Variants in SEMA3D observed in about 807,000 individuals in gnomAD.
The protein encoded by SEMA3D is semaphorin-3D.
A neutral mutation model predicts 100.1 loss-of-function variants in SEMA3D; 84 were observed. The ratio of observed to expected loss-of-function variants is 0.84; its 90% CI spans 0.70 to 1.01. SEMA3D has a LOEUF of 1.01. SEMA3D is among the 50% of genes least tolerant of loss of function. The pLI is 0.00. For synonymous variants in SEMA3D, 312 were observed against 320.7 expected (o/e 0.97, Z 0.29); for missense variants, 875 against 934.1 (o/e 0.94, Z 0.82).
At chr7:85,079,280 A>G (rs1787983201) in intron 5 of SEMA3D, among the ~76,000 whole-genome samples, 1 of 152,236 alleles carries the variant, frequency 6.6e-6, no homozygotes, top group East Asian at 1.9e-4. Context: ...CAAAAATGTT[A>G]GCTATTATTA....
At chr7:85,127,411 G>A (rs1789597341) in intron 2 of SEMA3D, among the ~76,000 whole-genome samples, 1 of 152,030 alleles carries the variant, frequency 6.6e-6, no homozygotes, top group Non-Finnish European at 1.5e-5. Context: ...CATGTACTAA[G>A]AGCCAAATAA....
intron 2 of SEMA3D, chr7:85,141,589 C>T (rs1790053730): frequency 3.0e-6 from 3 of 984,122 alleles, no homozygotes; most frequent in South Asian, 4.7e-5. Flanking sequence ...CTTAAGTTCC[C>T]TTCTTTGTGA....
chr7:85,053,131 A>G (rs554800026), intron 9 of SEMA3D, among the ~76,000 whole-genome samples: 27 of 152,130 alleles, frequency 1.8e-4, no homozygotes, highest in Admixed American at 1.2e-3. Context: ...AACAGCAAGA[A>G]CAACAAAACC....
At chr7:85,001,529 T>C (rs924649772) in intron 18 of SEMA3D, among the ~76,000 whole-genome samples, 5 of 152,276 alleles carry the variant, frequency 3.3e-5, no homozygotes, top group African/African-American at 1.2e-4. Context: ...ACACTACGTA[T>C]AATTGTTTTT....
chr7:85,248,815 G>A, the SEMA3D span, among the ~76,000 whole-genome samples: 1 of 152,198 alleles, frequency 6.6e-6, no homozygotes, highest in East Asian at 1.9e-4. Flanking sequence ...GTGGTTCTCA[G>A]GATTTAGCAG....
At chr7:85,225,485 G>T in the SEMA3D span, among the ~76,000 whole-genome samples, 6 of 151,722 alleles carry the variant, frequency 4.0e-5, no homozygotes, top group Non-Finnish European at 5.9e-5. Flanking sequence ...TGGCTGGAGT[G>T]GCCTGGTGTG....
At chr7:85,004,665 T>C (rs2115731693) in intron 18 of SEMA3D, among the ~76,000 whole-genome samples, 1 of 152,076 alleles carries the variant, frequency 6.6e-6, no homozygotes, top group Middle Eastern at 3.4e-3. Context: ...CGCAGGCTGT[T>C]TTTGAGTGGA....
intron 3 of SEMA3D, among the ~76,000 whole-genome samples, chr7:85,119,136 G>C (rs1358296231): frequency 6.6e-6 from 1 of 152,150 alleles, no homozygotes; most frequent in Non-Finnish European, 1.5e-5. Flanking sequence ...CAAGGTTGTG[G>C]AGAAAACGGA....
chr7:85,166,664 A>G (rs556828458), intron 1 of SEMA3D, among the ~76,000 whole-genome samples: 46 of 152,046 alleles, frequency 3.0e-4, no homozygotes, highest in Non-Finnish European at 4.6e-4. Context: ...TTAGTGACAG[A>G]ATTGGGATGG....
intron 2 of SEMA3D, among the ~76,000 whole-genome samples, chr7:85,128,801 G>A (rs1298104459): frequency 2.0e-5 from 3 of 150,022 alleles, no homozygotes; most frequent in Admixed American, 6.7e-5. Flanking sequence ...CATGGTCTCT[G>A]TATCAGCATA....
At chr7:85,140,156 T>G (rs1790003242) in intron 2 of SEMA3D, 2 of 410,120 alleles carry the variant, frequency 4.9e-6, no homozygotes, top group African/African-American at 2.2e-5. Context: ...TTTACTAATA[T>G]TAAAAAATTA....
At chr7:85,248,191 G>A in the SEMA3D span, among the ~76,000 whole-genome samples, 11 of 152,100 alleles carry the variant, frequency 7.2e-5, 1 homozygote, top group African/African-American at 2.4e-5. Context: ...TCCCCAAGAA[G>A]ATATACACAG....
chr7:85,091,453 CCAAA>C (rs1788391081), intron 4 of SEMA3D, among the ~76,000 whole-genome samples: 1 of 151,046 alleles, frequency 6.6e-6, no homozygotes, highest in African/African-American at 2.4e-5. Flanking sequence ...AGTAACATAA[CCAAA>C]CAGAGAGTAT....
chr7:85,200,866 G>A, the SEMA3D span, among the ~76,000 whole-genome samples: 1 of 152,174 alleles, frequency 6.6e-6, no homozygotes, highest in African/African-American at 2.4e-5. Flanking sequence ...CTGCATCCCA[G>A]CCACTTCAGC....
In SEMA3D at chr7:85,031,327, A is replaced by T. The variant is rs1387674235; in HGVS notation, c.1191+5562T>A. 2.6e-5 allele frequency among the ~76,000 whole-genome samples: 4 copies of T among 152,068 alleles called. No homozygotes were observed. The South Asian group carries it at 8.3e-4, about 31-fold the overall frequency. ...AATTTTTTAAAAAATAACCTACGTTAAAGCTTTAACTTAAGTGTAATATGG... is the reference window on the plus strand; with the variant it reads ...AATTTTTTAAAAAATAACCTACGTTTAAGCTTTAACTTAAGTGTAATATGG... On this transcript the variant is annotated intron_variant, in intron 12 of 18. Coordinates refer to ENST00000284136, the MANE Select transcript of SEMA3D (RefSeq NM_001384900.1).
intron 5 of SEMA3D, among the ~76,000 whole-genome samples, 181 bp from the exon 6 acceptor site, chr7:85,073,262 T>C (rs1480323860): frequency 6.6e-6 from 1 of 152,136 alleles, no homozygotes; most frequent in South Asian, 2.1e-4. Context: ...ATAGAAACCA[T>C]GGTATAAAGG....
At chr7:85,141,608 A>T (rs1790054059) in intron 2 of SEMA3D, 1 of 984,206 alleles carries the variant, frequency 1.0e-6, no homozygotes, top group South Asian at 4.7e-5. Flanking sequence ...GATCTCTATA[A>T]ATCATTTCTG....
chr7:85,052,563 C>T (rs936280009), intron 9 of SEMA3D, among the ~76,000 whole-genome samples: 3 of 151,990 alleles, frequency 2.0e-5, no homozygotes, highest in Non-Finnish European at 2.9e-5. Flanking sequence ...CATTCCTTAG[C>T]GTAGTCCCAC....
intron 16 of SEMA3D, 44 bp downstream of exon 16, chr7:85,015,015 C>T: frequency 2.0e-6 from 3 of 1,479,350 alleles, no homozygotes; most frequent in South Asian, 1.2e-5. Flanking sequence ...AGATATTCAG[C>T]TTGTAGAAAG....
Sources: gnomAD v4.1 joint callset for allele counts (sites outside exome capture counted in the v4.1 genomes callset) on GRCh38, gnomAD v4.1.1 for gene constraint, MANE v1.5 for transcripts, NCBI Gene and HGNC (gene_info 2026-07-23, HGNC 2026-07-21) for gene names.